The following THSD7B variants were observed in gnomAD, a reference collection of about 807,000 sequenced individuals.
THSD7B encodes thrombospondin type 1 domain containing 7B.
Under a neutral mutation model 213.6 loss-of-function variants are expected in THSD7B, and 138 were observed. The ratio of observed to expected loss-of-function variants is 0.65; its 90% confidence interval spans 0.56 to 0.74. THSD7B has a LOEUF of 0.74. Among genes scored for constraint, THSD7B ranks in the 30% least tolerant of loss-of-function variants. The probability of loss-of-function intolerance (pLI) is 0.00; values close to 1 mark genes in which losing one functional copy is unlikely to be tolerated. For synonymous variants in THSD7B, 742 were observed against 687.0 expected, an observed-to-expected ratio of 1.08 and a Z score of -1.25; for missense variants, 1,931 against 1,991.5, an observed-to-expected ratio of 0.97 and a Z score of 0.58.
At chr2:137,458,522 C>T (rs1687815694) in intron 15 of THSD7B, among the ~76,000 whole-genome samples, 1 of 152,118 alleles carries the variant, frequency 6.6e-6, no homozygotes, top group Non-Finnish European at 1.5e-5. Flanking sequence ...GATAGCTCTG[C>T]TTTTGTCTTG....
intron 14 of THSD7B, among the ~76,000 whole-genome samples, chr2:137,435,200 A>C (rs1323184013): frequency 1.3e-5 from 2 of 152,120 alleles, no homozygotes; most frequent in African/African-American, 2.4e-5. Context: ...AATTAACTTC[A>C]TAAGTTTTGG....
chr2:137,448,836 C>CAACAAAAAA (rs765115799), intron 14 of THSD7B, among the ~76,000 whole-genome samples: 18 of 147,600 alleles, frequency 1.2e-4, no homozygotes, highest in African/African-American at 3.8e-4. Context: ...ACAACAACAA[C>CAACAAAAAA]AAAAACTACC....
At chr2:137,498,415 A>G (rs1679623407) in intron 15 of THSD7B, among the ~76,000 whole-genome samples, 2 of 151,998 alleles carry the variant, frequency 1.3e-5, no homozygotes, top group Non-Finnish European at 2.9e-5. Context: ...TAGTTCTGAA[A>G]CTTGGCTGTG....
At chr2:137,272,849 G>A (rs1306520646) in intron 11 of THSD7B, among the ~76,000 whole-genome samples, 187 bp downstream of exon 11, 1 of 152,014 alleles carries the variant, frequency 6.6e-6, no homozygotes, top group African/African-American at 2.4e-5. Context: ...AGATATGAAA[G>A]TCTAATTAAC....
intron 7 of THSD7B, among the ~76,000 whole-genome samples, chr2:137,192,868 C>G (rs1197476175): frequency 1.3e-5 from 2 of 152,116 alleles, no homozygotes; most frequent in Admixed American, 1.3e-4. Flanking sequence ...ATAGGAAATG[C>G]TGAGTGGGGT....
At chr2:137,410,117 A>C (rs1257129560) in intron 13 of THSD7B, among the ~76,000 whole-genome samples, 1 of 152,142 alleles carries the variant, frequency 6.6e-6, no homozygotes, top group African/African-American at 2.4e-5. Context: ...AATTATTGAT[A>C]TATCTCTCAG....
intron 15 of THSD7B, among the ~76,000 whole-genome samples, chr2:137,525,641 A>G (rs1316453829): frequency 6.6e-6 from 1 of 152,190 alleles, no homozygotes; most frequent in Non-Finnish European, 1.5e-5. Context: ...ATGCAATTTC[A>G]TTTGTTTAAA....
At chr2:136,851,483 T>G (rs1234148703) in intron 1 of THSD7B, among the ~76,000 whole-genome samples, 1 of 152,170 alleles carries the variant, frequency 6.6e-6, no homozygotes, top group African/African-American at 2.4e-5. Flanking sequence ...GGCTAACATT[T>G]ATGTCATTGT....
chr2:137,093,737 A>C (rs1687992149), intron 3 of THSD7B, among the ~76,000 whole-genome samples: 1 of 151,960 alleles, frequency 6.6e-6, no homozygotes. Flanking sequence ...TGGGCTGGTC[A>C]CATTATCACA....
chr2:137,408,104 G>C (rs1295298293), intron 13 of THSD7B, among the ~76,000 whole-genome samples: 1 of 151,990 alleles, frequency 6.6e-6, no homozygotes, highest in Non-Finnish European at 1.5e-5. Flanking sequence ...AAGGATCACT[G>C]ATAATTTGTT....
At chr2:137,196,376 GTTTTTTTTT>G (rs60814872) in intron 7 of THSD7B, among the ~76,000 whole-genome samples, 2 of 99,970 alleles carry the variant, frequency 2.0e-5, no homozygotes, top group Non-Finnish European at 1.9e-5. Flanking sequence ...AAAACCTGCT[GTTTTTTTTT>G]TTTTTTTTTT....
chr2:137,411,856 C>T lies in THSD7B; in HGVS notation c.2943C>T (p.Ser981=). The T allele has an allele frequency of 1.2e-6, 2 of 1,613,992 alleles. No individual in the cohort carries two copies. Among genetic ancestry groups the T allele is most frequent in the Non-Finnish European group, 8.5e-7 (1 of 1,179,876 alleles). The part of the protein sequence containing the change: ...SDKNGRPVDP[S]FCSSSGYIQE... ...AAAATGGAAGACCTGTTGACCCCTCCTTCTGCAGCAGCTCTGGTAAGGAGA... is the reference window on the plus strand; with the variant it reads ...AAAATGGAAGACCTGTTGACCCCTCTTTCTGCAGCAGCTCTGGTAAGGAGA... Residue 981 remains serine (S), a synonymous_variant, in exon 14 of 28, where the codon TCC becomes TCT. Coordinates refer to ENST00000409968, the MANE Select transcript of THSD7B (RefSeq NM_001316349.2).
chr2:137,620,438 ACAAT>A (rs1486998750), intron 19 of THSD7B, among the ~76,000 whole-genome samples, 167 bp from the exon 20 acceptor site: 1 of 152,206 alleles, frequency 6.6e-6, no homozygotes, highest in African/African-American at 2.4e-5. Flanking sequence ...TAATTAAAGG[ACAAT>A]CATTTTCTAT....
rs1480170788 is a variant in THSD7B, at chr2:137,546,395, T to TATATAA, written c.3139-16826_3139-16825insATATAA. Among the ~76,000 whole-genome samples, 16 of 33,280 alleles carry TATATAA rather than the reference T, an allele frequency of 4.8e-4. 1 individual carries two copies. Among genetic ancestry groups the TATATAA allele is most frequent in the African/African-American group, 7.8e-4 (4 of 5,154 alleles). 21.8% of individuals were successfully genotyped at this position (33,280 alleles called of 152,430 possible). ...ATATATAATATATATATTATATATA[T>TATATAA]TATATATATTATATATATATTATAT... On this transcript the variant is annotated intron_variant, in intron 15 of 27. Coordinates refer to ENST00000409968, the MANE Select transcript of THSD7B (RefSeq NM_001316349.2).
intron 15 of THSD7B, among the ~76,000 whole-genome samples, chr2:137,522,395 A>C (rs112046577): frequency 2.0e-5 from 3 of 152,190 alleles, no homozygotes; most frequent in African/African-American, 7.2e-5. Flanking sequence ...TAATCCAGAA[A>C]TTCCACAGAG....
At chr2:137,499,085 A>G (rs925047580) in intron 15 of THSD7B, among the ~76,000 whole-genome samples, 2 of 152,186 alleles carry the variant, frequency 1.3e-5, no homozygotes, top group Non-Finnish European at 2.9e-5. Flanking sequence ...ACCACCGGAA[A>G]ACTCAGGGTA....
chr2:137,141,946 GTTTAT>G (rs1283351968), intron 5 of THSD7B, among the ~76,000 whole-genome samples: 8 of 152,072 alleles, frequency 5.3e-5, no homozygotes, highest in East Asian at 1.9e-4. Flanking sequence ...CAAGCCATTG[GTTTAT>G]TTTAACTATT....
At chr2:137,088,232 T>A (rs1214150070) in intron 3 of THSD7B, among the ~76,000 whole-genome samples, 1 of 151,374 alleles carries the variant, frequency 6.6e-6, no homozygotes, top group Non-Finnish European at 1.5e-5. Context: ...AGAGCAAGAC[T>A]CTGTCTCAAA....
intron 8 of THSD7B, among the ~76,000 whole-genome samples, chr2:137,232,037 G>A (rs1315114803): frequency 6.6e-6 from 1 of 152,090 alleles, no homozygotes; most frequent in Non-Finnish European, 1.5e-5. Flanking sequence ...AGTGAAGATG[G>A]TTCCTTCTCT....
Sources: gnomAD v4.1 joint callset for allele counts (sites outside exome capture counted in the v4.1 genomes callset) on GRCh38, gnomAD v4.1.1 for gene constraint, MANE v1.5 for transcripts, NCBI Gene and HGNC (gene_info 2026-07-23, HGNC 2026-07-21) for gene names.